Variants in SPRY3 observed in about 807,000 individuals in gnomAD.
SPRY3 encodes sprouty RTK signaling antagonist 3.
A neutral mutation model predicts 20.2 loss-of-function variants in SPRY3; 15 were observed. The ratio of observed to expected loss-of-function variants is 0.74; its 90% CI spans 0.50 to 1.14. The LOEUF (loss-of-function observed/expected upper bound fraction) is 1.14, where lower values mean the gene tolerates loss of function less well. Ranked by LOEUF, SPRY3 falls within the 50% of genes most tolerant of loss-of-function variation. The pLI, the probability that SPRY3 is intolerant of heterozygous loss-of-function variation, is 0.00. For missense variants in SPRY3, 364 were observed against 363.9 expected, an observed-to-expected ratio of 1.00 and a Z score of 0.00; for synonymous variants, 143 against 136.5, an observed-to-expected ratio of 1.05 and a Z score of -0.33.
At chrX:155,720,167 T>C in intron 2 of SPRY3, among the ~76,000 whole-genome samples, 1 of 152,230 alleles carries the variant, frequency 6.6e-6, no homozygotes. Context: ...ACAATACTCC[T>C]CATGGGCCTG....
intron 1 of SPRY3, among the ~76,000 whole-genome samples, chrX:155,643,000 ATAGTG>A (rs2067946892): frequency 8.9e-6 from 1 of 111,998 alleles, no homozygotes; most frequent in Non-Finnish European, 1.9e-5. Flanking sequence ...CATTTGGTCT[ATAGTG>A]CAGATTAAGT....
At chrX:155,628,900 A>G (rs2067896773) in intron 1 of SPRY3, among the ~76,000 whole-genome samples, 1 of 111,759 alleles carries the variant, frequency 8.9e-6, no homozygotes, top group Non-Finnish European at 1.9e-5. Flanking sequence ...AATGATGTTG[A>G]GTATTTTTTC....
chrX:155,720,697 G>C (rs2091051725), intron 2 of SPRY3, among the ~76,000 whole-genome samples: 1 of 152,170 alleles, frequency 6.6e-6, no homozygotes, highest in African/African-American at 2.4e-5. Context: ...AGACCATCAA[G>C]GCAGTATATC....
chrX:155,766,822 G>A (rs1022455113), intron 2 of SPRY3, among the ~76,000 whole-genome samples: 3 of 152,160 alleles, frequency 2.0e-5, no homozygotes, highest in African/African-American at 7.2e-5. Context: ...ATAAATATTT[G>A]TTGTTGAATG....
intron 2 of SPRY3, among the ~76,000 whole-genome samples, chrX:155,740,961 T>C (rs1320414636): frequency 2.0e-5 from 3 of 152,152 alleles, no homozygotes; most frequent in Non-Finnish European, 4.4e-5. Context: ...ACTCTTTCTC[T>C]TTATTTCTCA....
chrX:155,725,753 T>A (rs768790929), intron 2 of SPRY3, among the ~76,000 whole-genome samples: 1 of 152,256 alleles, frequency 6.6e-6, no homozygotes, highest in Non-Finnish European at 1.5e-5. Context: ...ATTTTGTTGA[T>A]CTTTCCAAAA....
intron 1 of SPRY3, among the ~76,000 whole-genome samples, chrX:155,616,423 A>G (rs781912445): frequency 9.0e-6 from 1 of 110,550 alleles, no homozygotes; most frequent in East Asian, 2.9e-4. Flanking sequence ...CAACCACCCC[A>G]ACAGAGACTG....
chrX:155,702,408 C>A (rs2090919762), intron 2 of SPRY3, among the ~76,000 whole-genome samples: 1 of 11,106 alleles, frequency 9.0e-5, no homozygotes. Flanking sequence ...TGATTTGGCT[C>A]TCTGTTTGTC....
At chrX:155,660,814 A>C (rs2068007587) in intron 2 of SPRY3, among the ~76,000 whole-genome samples, 1 of 109,628 alleles carries the variant, frequency 9.1e-6, no homozygotes, top group Admixed American at 9.7e-5. Flanking sequence ...GCTAGTTAAA[A>C]GTCTGTTTTA....
At chrX:155,646,861 C>A (rs1412699567) in intron 1 of SPRY3, among the ~76,000 whole-genome samples, 3 of 111,297 alleles carry the variant, frequency 2.7e-5, no homozygotes. Flanking sequence ...TTATCCTTGT[C>A]TTGTTTCTGA....
At chrX:155,694,855 C>T (rs766113597) in intron 2 of SPRY3, among the ~76,000 whole-genome samples, 23 of 111,046 alleles carry the variant, frequency 2.1e-4, no homozygotes, top group South Asian at 3.8e-4. Context: ...GTAATGCAAG[C>T]GATGGGGAGT....
rs149745724 is a variant in SPRY3, at chrX:155,726,288, A to G, written c.-281-41674A>G. ...TGCGATGTGGTGCTGAGAAGAATGTATATTCTGTTGATTTGGGGTGCAGAG... is the reference window on the plus strand; with the variant it reads ...TGCGATGTGGTGCTGAGAAGAATGTGTATTCTGTTGATTTGGGGTGCAGAG... On this transcript the variant is annotated intron_variant, in intron 2 of 3. Transcript: ENST00000675360. Among the ~76,000 whole-genome samples, 48 of 152,294 alleles carry G rather than the reference A, an allele frequency of 3.2e-4. No individual in the cohort carries two copies. In the East Asian group the frequency reaches 8.9e-3, roughly 28 times the overall value.
intron 3 of SPRY3, among the ~76,000 whole-genome samples, chrX:155,772,778 A>C (rs1423993514): frequency 4.6e-5 from 7 of 152,100 alleles, no homozygotes; most frequent in Non-Finnish European, 1.0e-4. Flanking sequence ...CTAGACATTC[A>C]ACTTAGCTTA....
At chrX:155,670,415 A>G (rs782476179) in intron 2 of SPRY3, among the ~76,000 whole-genome samples, 271 of 111,796 alleles carry the variant, frequency 2.4e-3, no homozygotes, top group African/African-American at 8.5e-3. Flanking sequence ...GCGACAAGTC[A>G]ATTGAGTTCT....
At chrX:155,704,420 C>A (rs1246730267) in intron 2 of SPRY3, among the ~76,000 whole-genome samples, 7 of 151,618 alleles carry the variant, frequency 4.6e-5, no homozygotes, top group Admixed American at 4.6e-4. Flanking sequence ...AGGACAAAAT[C>A]CATAGACCTT....
chrX:155,725,413 C>T (rs994344974), intron 2 of SPRY3, among the ~76,000 whole-genome samples: 5 of 152,084 alleles, frequency 3.3e-5, no homozygotes, highest in African/African-American at 1.2e-4. Context: ...CTCTTTGTAC[C>T]TCTGGTAGAA....
At chrX:155,635,313 T>C (rs2067919765) in intron 1 of SPRY3, among the ~76,000 whole-genome samples, 1 of 111,240 alleles carries the variant, frequency 9.0e-6, no homozygotes, top group Admixed American at 9.5e-5. Context: ...TGCTTCCAAG[T>C]CTTTGCTATT....
chrX:155,741,655 C>T (rs186304688), intron 2 of SPRY3, among the ~76,000 whole-genome samples: 7 of 152,232 alleles, frequency 4.6e-5, no homozygotes, highest in African/African-American at 1.7e-4. Flanking sequence ...CAGCAGGCCT[C>T]TCAGCAGAAA....
intron 2 of SPRY3, among the ~76,000 whole-genome samples, chrX:155,704,237 G>A (rs1421205426): frequency 6.6e-6 from 1 of 151,708 alleles, no homozygotes; most frequent in South Asian, 2.1e-4. Context: ...ATAACTATGA[G>A]TAATTAGTTA....
Sources: allele counts gnomAD v4.1 joint callset (sites outside exome capture counted in the v4.1 genomes callset), GRCh38; gene constraint gnomAD v4.1.1; transcripts MANE v1.5; gene names NCBI Gene and HGNC (gene_info 2026-07-23, HGNC 2026-07-21).